Variants in PPFIBP2 observed in about 807,000 individuals in gnomAD.
PPFIBP2 encodes PPFIB scaffold protein 2.
PPFIBP2 carries 118 observed loss-of-function variants against 118.3 expected under a neutral mutation model. That is an observed-to-expected ratio of 1.00 (90% CI 0.86 to 1.16). PPFIBP2 has a LOEUF of 1.16. PPFIBP2 is among the 50% of genes most tolerant of loss of function. The pLI, the probability that PPFIBP2 is intolerant of heterozygous loss-of-function variation, is 0.00. For synonymous variants in PPFIBP2, 414 were observed against 397.4 expected, an observed-to-expected ratio of 1.04 and a Z score of -0.50; for missense variants, 1,195 against 1,073.1, an observed-to-expected ratio of 1.11 and a Z score of -1.59.
intron 3 of PPFIBP2, among the ~76,000 whole-genome samples, chr11:7,587,891 A>G (rs548044980): frequency 6.6e-6 from 1 of 152,358 alleles, no homozygotes; most frequent in East Asian, 1.9e-4. Context: ...TAGTCTACAC[A>G]AACAATAGAT....
chr11:7,553,538 T>C (rs1032120803), intron 2 of PPFIBP2, among the ~76,000 whole-genome samples: 1 of 152,238 alleles, frequency 6.6e-6, no homozygotes, highest in Non-Finnish European at 1.5e-5. Flanking sequence ...TAACATGGAC[T>C]ACAGAGTTGG....
chr11:7,597,842 C>T (rs187011932), intron 5 of PPFIBP2, 169 bp downstream of exon 5: 80 of 592,562 alleles, frequency 1.4e-4, no homozygotes, highest in African/African-American at 6.3e-4. Context: ...CCAACCTGAA[C>T]GTTGAGAGTG....
intron 3 of PPFIBP2, among the ~76,000 whole-genome samples, chr11:7,580,770 G>A (rs1194016865): frequency 6.6e-6 from 1 of 152,114 alleles, no homozygotes; most frequent in Non-Finnish European, 1.5e-5. Flanking sequence ...CCACATACAG[G>A]CTTTATGAGG....
At position 7,651,967 on chromosome 11, in the gene PPFIBP2, G is replaced by A. The variant is rs915836066; in HGVS notation, c.2436+123G>A. ...CAGCCTGGACAAAGAGGATCTTTCA[G>A]CTTCTGCTGTGGGCTTGTGGTCTGT... On this transcript the variant is annotated intron_variant, in intron 23 of 23. Coordinates refer to ENST00000299492, the MANE Select transcript of PPFIBP2 (RefSeq NM_003621.5). The A allele has an allele frequency of 6.5e-5, 63 of 964,502 alleles. 1 individual carries two copies. In the South Asian group the frequency reaches 7.4e-4, roughly 11 times the overall value. 59.7% of individuals were successfully genotyped at this position (964,502 alleles called of 1,614,324 possible).
intron 3 of PPFIBP2, chr11:7,577,249 C>T: frequency 5.5e-6 from 1 of 183,246 alleles, no homozygotes; most frequent in African/African-American, 2.4e-5. Context: ...TTTTCTCTAC[C>T]TTTGTGTGAC....
At chr11:7,619,093 C>T (rs1282421154) in intron 6 of PPFIBP2, among the ~76,000 whole-genome samples, 1 of 152,178 alleles carries the variant, frequency 6.6e-6, no homozygotes, top group Non-Finnish European at 1.5e-5. Flanking sequence ...ATAGTATACA[C>T]CTACTATGTG....
chr11:7,620,151 G>T (rs1849169153), intron 6 of PPFIBP2, among the ~76,000 whole-genome samples: 1 of 152,048 alleles, frequency 6.6e-6, no homozygotes, highest in African/African-American at 2.4e-5. Flanking sequence ...AAAATTGTTT[G>T]TGTCACTTCC....
chr11:7,665,799 C>T, the PPFIBP2 span: 64 of 1,501,720 alleles, frequency 4.3e-5, no homozygotes, highest in Non-Finnish European at 5.2e-5. Flanking sequence ...TCAGCATTGA[C>T]GAGGAAGGAG....
intron 2 of PPFIBP2, among the ~76,000 whole-genome samples, chr11:7,563,618 A>G (rs1749416568): frequency 6.6e-6 from 1 of 152,208 alleles, no homozygotes; most frequent in Non-Finnish European, 1.5e-5. Flanking sequence ...CATACCATGG[A>G]TGCGGTGGCC....
chr11:7,590,021 A>G (rs997292961), intron 3 of PPFIBP2, among the ~76,000 whole-genome samples: 2 of 152,382 alleles, frequency 1.3e-5, no homozygotes, highest in East Asian at 3.9e-4. Context: ...TTTATAATGC[A>G]AGAATGATAC....
chr11:7,666,629 C>T, the PPFIBP2 span: 45 of 1,050,726 alleles, frequency 4.3e-5, no homozygotes, highest in Admixed American at 8.8e-4. Flanking sequence ...GGTCAGCATA[C>T]TCCTGGCCAA....
At chr11:7,533,034 T>G (rs1225226532) in intron 1 of PPFIBP2, among the ~76,000 whole-genome samples, 1 of 18,456 alleles carries the variant, frequency 5.4e-5, no homozygotes, top group Non-Finnish European at 1.4e-4. Flanking sequence ...TTCATATCTG[T>G]TTTTTTTTGT....
chr11:7,660,327 A>G (rs997506683), downstream of PPFIBP2, among the ~76,000 whole-genome samples: 1 of 117,342 alleles, frequency 8.5e-6, no homozygotes, highest in African/African-American at 2.7e-5. Flanking sequence ...CGTCCCATCA[A>G]TACCTAATTT....
chr11:7,656,863 G>C (rs1317818284), downstream of PPFIBP2: 1 of 1,196,378 alleles, frequency 8.4e-7, no homozygotes, highest in Non-Finnish European at 1.1e-6. Context: ...GCTTCTGTGG[G>C]GAGCGGGCAC....
chr11:7,634,308 A>G (rs922981469), intron 12 of PPFIBP2, among the ~76,000 whole-genome samples, 187 bp from the exon 13 acceptor site: 1 of 152,202 alleles, frequency 6.6e-6, no homozygotes, highest in Non-Finnish European at 1.5e-5. Context: ...ACATTATTGG[A>G]CCAGTCTGTC....
At chr11:7,647,624 A>G (rs1162233973) in intron 17 of PPFIBP2, among the ~76,000 whole-genome samples, 1 of 152,218 alleles carries the variant, frequency 6.6e-6, no homozygotes, top group Admixed American at 6.5e-5. Flanking sequence ...ATGGTATTAG[A>G]AAATTATTGA....
chr11:7,654,784 T>C (rs115984979), downstream of PPFIBP2, among the ~76,000 whole-genome samples: 65 of 152,338 alleles, frequency 4.3e-4, no homozygotes, highest in African/African-American at 1.5e-3. Context: ...TGCATGGAAC[T>C]GTTGTGCCAC....
chr11:7,610,885 T>C (rs974278019), intron 6 of PPFIBP2, among the ~76,000 whole-genome samples: 4 of 152,246 alleles, frequency 2.6e-5, no homozygotes, highest in African/African-American at 9.6e-5. Flanking sequence ...CTGATGGGTC[T>C]TATGGAGCAT....
chr11:7,633,852 C>T (rs775023015), intron 12 of PPFIBP2, among the ~76,000 whole-genome samples: 6 of 152,172 alleles, frequency 3.9e-5, no homozygotes, highest in African/African-American at 7.2e-5. Flanking sequence ...ATGACTTACT[C>T]GTATAATCTG....
Sources: gnomAD v4.1 joint callset for allele counts (sites outside exome capture counted in the v4.1 genomes callset) on GRCh38, gnomAD v4.1.1 for gene constraint, MANE v1.5 for transcripts, NCBI Gene and HGNC (gene_info 2026-07-23, HGNC 2026-07-21) for gene names.